Variants in ABCD2 observed in about 807,000 individuals in gnomAD.
ABCD2 encodes the protein ATP-binding cassette sub-family D member 2.
A neutral mutation model predicts 70.9 loss-of-function variants in ABCD2; 36 were observed. The observed-to-expected ratio is 0.51, with a 90% confidence interval of 0.39 to 0.67. The LOEUF is 0.67. ABCD2 is among the 30% of genes least tolerant of loss of function. ABCD2 has a pLI of 0.00. For missense variants in ABCD2, 729 were observed against 890.2 expected (o/e 0.82, Z 2.30); for synonymous variants, 304 against 306.9 (o/e 0.99, Z 0.10).
intron 7 of ABCD2, among the ~76,000 whole-genome samples, chr12:39,585,650 A>G (rs1025906327): frequency 1.2e-4 from 19 of 152,214 alleles, no homozygotes; most frequent in Non-Finnish European, 2.4e-4. Flanking sequence ...TACTCTTTCA[A>G]AAATGTTTTA....
chr12:39,602,888 T>A (rs1048565039), intron 5 of ABCD2, among the ~76,000 whole-genome samples: 4 of 152,196 alleles, frequency 2.6e-5, no homozygotes, highest in Admixed American at 1.3e-4. Flanking sequence ...TCATAAATTA[T>A]AAATTATGAA....
At chr12:39,536,296 A>C in the ABCD2 span, among the ~76,000 whole-genome samples, 1 of 152,176 alleles carries the variant, frequency 6.6e-6, no homozygotes, top group African/African-American at 2.4e-5. Context: ...ATTTTTGAGA[A>C]TGTATCAGAC....
At chr12:39,544,376 C>T in the ABCD2 span, among the ~76,000 whole-genome samples, 3 of 152,140 alleles carry the variant, frequency 2.0e-5, no homozygotes, top group East Asian at 1.9e-4. Flanking sequence ...CTACATGACT[C>T]GTAAACCATA....
chr12:39,576,874 A>G (rs1041052517), intron 8 of ABCD2, among the ~76,000 whole-genome samples: 5 of 152,220 alleles, frequency 3.3e-5, no homozygotes, highest in Non-Finnish European at 4.4e-5. Flanking sequence ...CCAATTGTAT[A>G]CCTAAAATAT....
chr12:39,557,400 G>T (rs150147837), intron 9 of ABCD2, among the ~76,000 whole-genome samples: 5 of 152,236 alleles, frequency 3.3e-5, no homozygotes, highest in African/African-American at 1.2e-4. Context: ...AGATGATTTG[G>T]AATTGGAACT....
At chr12:39,537,326 T>C in the ABCD2 span, among the ~76,000 whole-genome samples, 1 of 152,194 alleles carries the variant, frequency 6.6e-6, no homozygotes, top group African/African-American at 2.4e-5. Context: ...TGCCAGTCTA[T>C]AACCTGAGTA....
the ABCD2 span, among the ~76,000 whole-genome samples, chr12:39,535,129 T>C: frequency 4.6e-5 from 7 of 152,112 alleles, no homozygotes; most frequent in African/African-American, 1.7e-4. Flanking sequence ...TTCTTAAATA[T>C]TGTGCCCCTT....
the ABCD2 span, among the ~76,000 whole-genome samples, chr12:39,535,639 A>G: frequency 1.3e-5 from 2 of 152,214 alleles, no homozygotes; most frequent in Non-Finnish European, 2.9e-5. Context: ...TTAACATTCA[A>G]CGAATTGAAA....
At chr12:39,608,445 G>A (rs1942000547) in intron 2 of ABCD2, among the ~76,000 whole-genome samples, 1 of 152,094 alleles carries the variant, frequency 6.6e-6, no homozygotes, top group Non-Finnish European at 1.5e-5. Context: ...CTGGCACTCT[G>A]GGAGGCCAAG....
chr12:39,601,938 T>C (rs1941903432), intron 5 of ABCD2, among the ~76,000 whole-genome samples: 1 of 151,870 alleles, frequency 6.6e-6, no homozygotes, highest in Non-Finnish European at 1.5e-5. Context: ...GAAAAGCACA[T>C]TGGCAAAATA....
chr12:39,558,434 G>T (rs1941202629), intron 9 of ABCD2, among the ~76,000 whole-genome samples: 1 of 152,176 alleles, frequency 6.6e-6, no homozygotes. Flanking sequence ...AGGGCGAAAT[G>T]ATACAGTTTG....
At chr12:39,545,797 A>T (rs1297778540), downstream of ABCD2, among the ~76,000 whole-genome samples, 2 of 152,142 alleles carry the variant, frequency 1.3e-5, no homozygotes, top group Non-Finnish European at 2.9e-5. Flanking sequence ...CATTGGCTTG[A>T]TAATAGTAAG....
intron 6 of ABCD2, among the ~76,000 whole-genome samples, chr12:39,591,049 C>T (rs922393168): frequency 6.6e-6 from 1 of 152,058 alleles, no homozygotes; most frequent in Non-Finnish European, 1.5e-5. Context: ...AATTTTGCAG[C>T]AATGTTAACT....
At chr12:39,556,373 C>T (rs1256730001) in intron 9 of ABCD2, among the ~76,000 whole-genome samples, 1 of 152,122 alleles carries the variant, frequency 6.6e-6, no homozygotes, top group Non-Finnish European at 1.5e-5. Flanking sequence ...AAGGCGTAGG[C>T]AGTTGGATCA....
chr12:39,604,047 G>A, intron 4 of ABCD2, 41 bp from the exon 5 acceptor site: 5 of 1,371,020 alleles, frequency 3.6e-6, no homozygotes, highest in Non-Finnish European at 5.2e-6. Context: ...CATTATCACA[G>A]GTTTCTGATT....
At chr12:39,600,940 C>CT (rs977693707) in intron 5 of ABCD2, among the ~76,000 whole-genome samples, 7 of 152,170 alleles carry the variant, frequency 4.6e-5, no homozygotes, top group Non-Finnish European at 1.0e-4. Flanking sequence ...AATGGATCTT[C>CT]TTGAAATGGG....
chr12:39,611,897 A>G (rs1942049549), intron 2 of ABCD2, among the ~76,000 whole-genome samples: 1 of 152,150 alleles, frequency 6.6e-6, no homozygotes, highest in African/African-American at 2.4e-5. Flanking sequence ...ACAAATCAGT[A>G]AGAAAAAACT....
rs776261782 is a variant in ABCD2 at position 39,579,625 on chromosome 12, G to T, written c.1793-6C>A. On this transcript the variant is annotated splice_polypyrimidine_tract_variant and splice_region_variant and intron_variant, in intron 7 of 9. Coordinates refer to ENST00000308666, the MANE Select transcript of ABCD2 (RefSeq NM_005164.4). Reference sequence around the variant, plus strand: ...GTCCATAACAGCATCCCATCCTTAAGAAAATAAAAAAATATACATTTTTAT... The same window carrying T: ...GTCCATAACAGCATCCCATCCTTAATAAAATAAAAAAATATACATTTTTAT... 3.1e-6 allele frequency: 5 copies of T among 1,592,130 alleles called. No individual in the cohort carries two copies. Among genetic ancestry groups the T allele is most frequent in the Non-Finnish European group, 2.6e-6 (3 of 1,167,512 alleles).
intron 9 of ABCD2, 34 bp from the exon 10 acceptor site, chr12:39,554,165 A>C (rs1325817636): frequency 1.3e-6 from 2 of 1,564,758 alleles, no homozygotes; most frequent in Non-Finnish European, 1.7e-6. Context: ...ATTATTAGCC[A>C]TAATGTTGAA....
Sources: gnomAD v4.1 joint callset for allele counts (sites outside exome capture counted in the v4.1 genomes callset) on GRCh38, gnomAD v4.1.1 for gene constraint, MANE v1.5 for transcripts, NCBI Gene and HGNC (gene_info 2026-07-23, HGNC 2026-07-21) for gene names.